The following ITGA8 variants were observed in gnomAD, a reference collection of about 807,000 sequenced individuals.
The protein encoded by ITGA8 is integrin subunit alpha 8.
Under a neutral mutation model 142.3 loss-of-function variants are expected in ITGA8, and 91 were observed. The observed-to-expected ratio is 0.64, with a 90% CI of 0.54 to 0.76. The LOEUF (loss-of-function observed/expected upper bound fraction) is 0.76. Ranked by LOEUF, ITGA8 falls within the 30% of genes least tolerant of loss-of-function variation. ITGA8 has a pLI of 0.00. For missense variants in ITGA8, 1,406 were observed against 1,327.7 expected (o/e 1.06, Z -0.92); for synonymous variants, 505 against 485.2 (o/e 1.04, Z -0.54).
At chr10:15,679,676 A>G (rs1380522173) in intron 4 of ITGA8, among the ~76,000 whole-genome samples, 1 of 152,226 alleles carries the variant, frequency 6.6e-6, no homozygotes, top group Non-Finnish European at 1.5e-5. Flanking sequence ...GGACATTGCA[A>G]TGCTAGTGTT....
intron 25 of ITGA8, among the ~76,000 whole-genome samples, chr10:15,566,820 A>G (rs886591924): frequency 1.2e-5 from 1 of 82,972 alleles, no homozygotes; most frequent in African/African-American, 4.7e-5. Flanking sequence ...TTAAAAAAAG[A>G]AAAAAAAAGA....
At chr10:15,547,692 A>G (rs1055098947) in intron 27 of ITGA8, among the ~76,000 whole-genome samples, 2 of 152,230 alleles carry the variant, frequency 1.3e-5, no homozygotes, top group African/African-American at 2.4e-5. Context: ...ACGTACCTGG[A>G]ACTTGGCTGA....
In ITGA8 at chr10:15,549,854, G is replaced by A. The variant is rs764566; in HGVS notation, c.2767-1286C>T. 2.3e-3 allele frequency among the ~76,000 whole-genome samples: 354 copies of A among 152,312 alleles called. 1 individual carries two copies. Among genetic ancestry groups the A allele is most frequent in the African/African-American group, 8.0e-3 (331 of 41,556 alleles). Reference sequence around the variant, plus strand: ...GATCCTCAGAATTCTCTGCAAAGGGGTTAGTAATATATTGTCTGATAAATT... The same window carrying A: ...GATCCTCAGAATTCTCTGCAAAGGGATTAGTAATATATTGTCTGATAAATT... On this transcript the variant is annotated intron_variant, in intron 26 of 29. Coordinates refer to ENST00000378076, the MANE Select transcript of ITGA8 (RefSeq NM_003638.3).
In ITGA8 at chr10:15,605,725, G is replaced by A. The variant is rs1005376594; in HGVS notation, c.1969C>T (p.Pro657Ser). 4 of 1,611,464 alleles carry A rather than the reference G, an allele frequency of 2.5e-6. No homozygotes were observed. The highest frequency in any genetic ancestry group is 1.7e-5 in the Admixed American group (1 of 59,974). ...ACACATTTAGTTATTTAAACTTACG[G>A]TCTAGCCGACAGCTTCAAGTCAGGA... is the stretch of plus-strand genomic sequence containing the variant. ...CVPDLKLSAR[P>S]DKHQVIIGDE... The change falls in exon 19 of 30, where the codon CCA becomes TCA. Residue 657 changes from proline (P) to serine (S), a missense_variant and splice_region_variant. Pro to Ser is a moderately conservative substitution (Grantham distance 74). Transcript: ENST00000378076.
At chr10:15,525,645 C>CAAAAA (rs374326483) in intron 28 of ITGA8, among the ~76,000 whole-genome samples, 17 of 63,716 alleles carry the variant, frequency 2.7e-4, no homozygotes, top group Non-Finnish European at 3.4e-4. Flanking sequence ...AACTCCATCT[C>CAAAAA]AAAAAAAAAA....
intron 28 of ITGA8, among the ~76,000 whole-genome samples, chr10:15,525,885 C>T (rs1833165175): frequency 6.6e-6 from 1 of 151,914 alleles, no homozygotes; most frequent in African/African-American, 2.4e-5. Flanking sequence ...TACTAAGTCT[C>T]CAAAATCCAA....
At chr10:15,591,402 AATAT>A (rs1365666809) in intron 22 of ITGA8, among the ~76,000 whole-genome samples, 5 of 135,670 alleles carry the variant, frequency 3.7e-5, no homozygotes, top group African/African-American at 1.3e-4. Context: ...GAGCTGTATT[AATAT>A]ATATTATATT....
intron 1 of ITGA8, 79 bp from the exon 2 acceptor site, chr10:15,718,978 C>A: frequency 6.3e-7 from 1 of 1,597,340 alleles, no homozygotes; most frequent in Non-Finnish European, 8.5e-7. Context: ...TAACCTCCTG[C>A]CCGGGGACAC....
intron 13 of ITGA8, among the ~76,000 whole-genome samples, chr10:15,624,726 A>T (rs922191812): frequency 6.6e-6 from 1 of 152,182 alleles, no homozygotes; most frequent in Admixed American, 6.5e-5. Flanking sequence ...TATTTTAAAG[A>T]CGAACTAAGG....
chr10:15,632,809 C>T (rs1239184328), intron 13 of ITGA8, among the ~76,000 whole-genome samples: 3 of 151,734 alleles, frequency 2.0e-5, no homozygotes, highest in African/African-American at 4.8e-5. Context: ...TCAAGGTTAA[C>T]GATATATAGA....
At chr10:15,643,468 C>T (rs45466697) in intron 13 of ITGA8, among the ~76,000 whole-genome samples, 26,870 of 151,934 alleles carry the variant, frequency 0.18, 2,709 homozygotes, top group Admixed American at 0.28. Flanking sequence ...TTAGTAGAGA[C>T]GGGGTTTTAC....
intron 13 of ITGA8, among the ~76,000 whole-genome samples, chr10:15,620,779 T>C (rs1382942607): frequency 6.6e-6 from 1 of 152,262 alleles, no homozygotes; most frequent in African/African-American, 2.4e-5. Flanking sequence ...GCTGCTTCCA[T>C]CTATACACAC....
intron 27 of ITGA8, among the ~76,000 whole-genome samples, chr10:15,543,934 G>T (rs1158364082): frequency 6.6e-6 from 1 of 152,052 alleles, no homozygotes; most frequent in Non-Finnish European, 1.5e-5. Context: ...AAGGTGATGG[G>T]AGATGGAAGG....
At chr10:15,675,467 T>G (rs1173974991) in intron 6 of ITGA8, among the ~76,000 whole-genome samples, 1 of 152,182 alleles carries the variant, frequency 6.6e-6, no homozygotes, top group African/African-American at 2.4e-5. Flanking sequence ...CAAATTTCTC[T>G]TCTTTTACAG....
At chr10:15,567,192 C>G (rs1235622284) in intron 25 of ITGA8, among the ~76,000 whole-genome samples, 2 of 151,434 alleles carry the variant, frequency 1.3e-5, no homozygotes, top group African/African-American at 2.4e-5. Flanking sequence ...AAAGAAAAAT[C>G]CTTTACTCAT....
chr10:15,683,291 A>G (rs1439519082), intron 4 of ITGA8, among the ~76,000 whole-genome samples: 4 of 50,754 alleles, frequency 7.9e-5, no homozygotes, highest in South Asian at 1.3e-3. Context: ...CCATCCATCC[A>G]TCCACCCATC....
At chr10:15,678,471 G>C (rs1474819643) in intron 5 of ITGA8, among the ~76,000 whole-genome samples, 2 of 152,122 alleles carry the variant, frequency 1.3e-5, no homozygotes, top group Admixed American at 6.6e-5. Context: ...TCAGAAGAAA[G>C]GCTGTTGCTT....
At chr10:15,559,788 A>G (rs993828553) in intron 25 of ITGA8, among the ~76,000 whole-genome samples, 1 of 126,656 alleles carries the variant, frequency 7.9e-6, no homozygotes, top group Non-Finnish European at 1.6e-5. Context: ...ACACATGGAC[A>G]CAGGGAGGGG....
rs184889397 is a variant in ITGA8 at position 15,608,227 on chromosome 10, A to T, written c.1609+8T>A. On this transcript the variant is annotated splice_region_variant and intron_variant, in intron 16 of 29. Coordinates refer to ENST00000378076, the MANE Select transcript of ITGA8 (RefSeq NM_003638.3). The stretch of plus-strand genomic sequence containing the variant: ...ACCATAAGAATGTAAAAATGAAAAC[A>T]TGCTTACCTATTGTGTTTGCAATGC... The T allele has an allele frequency of 2.2e-5, 35 of 1,585,136 alleles. No homozygotes were observed. In the Middle Eastern group the frequency reaches 5.0e-4, roughly 23 times the overall value.
Sources: gnomAD v4.1 joint callset for allele counts (sites outside exome capture counted in the v4.1 genomes callset) on GRCh38, gnomAD v4.1.1 for gene constraint, MANE v1.5 for transcripts, NCBI Gene and HGNC (gene_info 2026-07-23, HGNC 2026-07-21) for gene names.